The following LAPTM5 variants were observed in gnomAD, a reference collection of about 807,000 sequenced individuals.
The protein encoded by LAPTM5 is lysosomal-associated transmembrane protein 5.
Under a neutral mutation model 30.1 loss-of-function variants are expected in LAPTM5, and 11 were observed. The observed-to-expected ratio is 0.37, with a 90% CI of 0.23 to 0.60. The LOEUF (loss-of-function observed/expected upper bound fraction) is 0.60. Ranked by LOEUF, LAPTM5 falls within the 20% of genes least tolerant of loss-of-function variation. The probability of loss-of-function intolerance (pLI) is 0.71; values close to 1 mark genes in which losing one functional copy is unlikely to be tolerated. For missense variants in LAPTM5, 324 were observed against 332.5 expected (o/e 0.97, Z 0.20); for synonymous variants, 151 against 137.9 (o/e 1.10, Z -0.67).
Position 30,741,699 on chromosome 1 carries a change from A to C in LAPTM5, c.199T>G (p.Phe67Val). ...ATGAAGAGCATGGTGATGAGCAGGA[A>C]GCTGGAGATCAGGTCAGCTGAAAGG... is the stretch of plus-strand genomic sequence containing the variant. The part of the protein sequence containing the change: ...YLRIADLISS[F>V]LLITMLFIIS... Residue 67 changes from phenylalanine to valine, a missense_variant, in exon 3 of 8, where the codon TTC (phenylalanine) becomes GTC (valine). Coordinates refer to ENST00000294507, the MANE Select transcript of LAPTM5 (RefSeq NM_006762.3). The C allele has an allele frequency of 6.2e-7, 1 of 1,608,212 alleles. No homozygotes were observed. Among genetic ancestry groups the C allele is most frequent in the Non-Finnish European group, 8.5e-7 (1 of 1,177,194 alleles).
intron 3 of LAPTM5, among the ~76,000 whole-genome samples, 163 bp downstream of exon 3, chr1:30,741,477 G>A (rs1293884626): frequency 6.6e-6 from 1 of 152,182 alleles, no homozygotes; most frequent in Non-Finnish European, 1.5e-5. Flanking sequence ...GAATCTCAGG[G>A]AGAAACATGG....
At chr1:30,737,759 C>A in intron 5 of LAPTM5, 60 bp from the exon 6 acceptor site, 1 of 1,100,254 alleles carries the variant, frequency 9.1e-7, no homozygotes, top group South Asian at 1.3e-5. Flanking sequence ...CAACAGCACC[C>A]ACACATCCGG....
intron 2 of LAPTM5, 100 bp downstream of exon 2, chr1:30,742,356 G>A: frequency 1.3e-6 from 1 of 780,096 alleles, no homozygotes; most frequent in Non-Finnish European, 2.2e-6. Flanking sequence ...CATCGTCCAT[G>A]GAGAGGTGGC....
Position 30,739,662 on chromosome 1 carries a change from GAC to G in LAPTM5, c.387+145_387+146del. ...GAAGAAACTTGGGGCAATGTGGAGG[GAC>G]TCAGAGACTGGGTCAAGACACCAGC... On this transcript the variant is annotated intron_variant, in intron 4 of 7. Coordinates refer to ENST00000294507, the MANE Select transcript of LAPTM5 (RefSeq NM_006762.3). The surrounding 1 kb of genome is among the most constrained non-coding windows in gnomAD (Gnocchi z 4.2). 3 of 854,762 alleles carry G rather than the reference GAC, an allele frequency of 3.5e-6. No homozygotes were observed. Among genetic ancestry groups the G allele is most frequent in the Non-Finnish European group, 3.4e-6 (2 of 590,582 alleles). 52.9% of individuals were successfully genotyped at this position (854,762 alleles called of 1,614,324 possible). A position where few individuals can be genotyped will look rare whatever the true frequency, so the allele number is the denominator to read the frequency against.
intron 1 of LAPTM5, among the ~76,000 whole-genome samples, chr1:30,743,671 C>T (rs191458225): frequency 1.3e-5 from 2 of 152,064 alleles, no homozygotes; most frequent in African/African-American, 2.4e-5. Flanking sequence ...AGTCGGTGCC[C>T]TATCTCTATT....
At position 30,739,879 on chromosome 1, in the gene LAPTM5, C is replaced by A; in HGVS notation, c.317G>T (p.Cys106Phe). Residue 106 changes from cysteine (C) to phenylalanine (F), a missense_variant, in exon 4 of 8, where the codon TGC becomes TTC. Physicochemically the swap from Cys to Phe is radical, Grantham distance 205. Coordinates refer to ENST00000294507, the MANE Select transcript of LAPTM5 (RefSeq NM_006762.3). This position sits in a 1 kb window ranked among gnomAD's most constrained non-coding sequence, Gnocchi z 4.2. ...GTAGGAGCCCAGCAGGGTGAGCAGGCACAGGAGATAGTCCATGATTTGCAG... is the reference window on the plus strand; with the variant it reads ...GTAGGAGCCCAGCAGGGTGAGCAGGAACAGGAGATAGTCCATGATTTGCAG... ...LSLQIMDYLL[C>F]LLTLLGSYIE... The A allele has an allele frequency of 6.2e-7, 1 of 1,607,752 alleles. No homozygotes were observed. Among genetic ancestry groups the A allele is most frequent in the Non-Finnish European group, 8.5e-7 (1 of 1,176,790 alleles).
chr1:30,746,671 C>G lies in LAPTM5; in HGVS notation c.88-4122G>C, dbSNP rs537448774. ...TCTTTTCACCCACTGTCCCTTCATTCTATGCTGGTGAGATCATGAAGATAA... is the reference window on the plus strand; with the variant it reads ...TCTTTTCACCCACTGTCCCTTCATTGTATGCTGGTGAGATCATGAAGATAA... On this transcript the variant is annotated intron_variant, in intron 1 of 7. Coordinates refer to ENST00000294507, the MANE Select transcript of LAPTM5 (RefSeq NM_006762.3). This position sits in a 1 kb window ranked among gnomAD's most constrained non-coding sequence, Gnocchi z 4.0. Among the ~76,000 whole-genome samples the G allele has an allele frequency of 2.2e-3, 342 of 152,276 alleles. No homozygotes were observed. Among genetic ancestry groups the G allele is most frequent in the African/African-American group, 8.0e-3 (334 of 41,558 alleles).
Position 30,739,863 on chromosome 1 carries a change from C to T in LAPTM5, c.333G>A (p.Leu111=), listed in dbSNP as rs1639943541. The T allele has an allele frequency of 6.2e-7, 1 of 1,608,092 alleles. No individual in the cohort carries two copies. ...AGGCGGGCAGCTCAATGTAGGAGCCCAGCAGGGTGAGCAGGCACAGGAGAT... is the reference window on the plus strand; with the variant it reads ...AGGCGGGCAGCTCAATGTAGGAGCCTAGCAGGGTGAGCAGGCACAGGAGAT... ...MDYLLCLLTL[L]GSYIELPAYL... The change falls in exon 4 of 8, where the codon CTG becomes CTA. Residue 111 remains leucine, a synonymous_variant. Transcript: ENST00000294507. The surrounding 1 kb of genome is among the most constrained non-coding windows in gnomAD (Gnocchi z 4.2).
chr1:30,732,914 C>G lies in LAPTM5; in HGVS notation c.*914G>C, dbSNP rs1253924643. On this transcript the variant is annotated 3_prime_UTR_variant, in exon 8 of 8. Transcript: ENST00000294507. ...CTGGCCTGGGAATGGACTGGCAGCT[C>G]ATCACTAAAATGACTCCTTTCATGG... 4 of 152,286 alleles carry G rather than the reference C, an allele frequency of 2.6e-5. No individual in the cohort carries two copies. The highest frequency in any genetic ancestry group is 7.2e-5 in the African/African-American group (3 of 41,452). 9.4% of individuals were successfully genotyped at this position (152,286 alleles called of 1,614,324 possible). A position where few individuals can be genotyped will look rare whatever the true frequency, so the allele number is the denominator to read the frequency against.
At chr1:30,751,115 C>T (rs1199951796) in intron 1 of LAPTM5, among the ~76,000 whole-genome samples, 1 of 152,268 alleles carries the variant, frequency 6.6e-6, no homozygotes, top group African/African-American at 2.4e-5. Flanking sequence ...AGAGAAGTCT[C>T]GGCCAGGCCA....
chr1:30,749,622 C>T (rs1210454439), intron 1 of LAPTM5, among the ~76,000 whole-genome samples: 1 of 152,110 alleles, frequency 6.6e-6, no homozygotes, highest in Non-Finnish European at 1.5e-5. Context: ...TCCCAGGGAC[C>T]CAGCACACAG....
intron 1 of LAPTM5, among the ~76,000 whole-genome samples, chr1:30,751,865 G>A (rs1640143697): frequency 6.6e-6 from 1 of 152,206 alleles, no homozygotes; most frequent in South Asian, 2.1e-4. Context: ...GGGACCACTG[G>A]CCCCATTTAC....
At position 30,735,722 on chromosome 1, in the gene LAPTM5, G is replaced by A. The variant is rs553864646; in HGVS notation, c.607-457C>T. ...GGTCCATGTTTATAAAGGAGGAACA[G>A]TTAGTACATGTCCATCAGCTGATGC... On this transcript the variant is annotated intron_variant, in intron 6 of 7. Coordinates refer to ENST00000294507, the MANE Select transcript of LAPTM5 (RefSeq NM_006762.3). 3.0e-4 allele frequency among the ~76,000 whole-genome samples: 45 copies of A among 152,330 alleles called. No individual in the cohort carries two copies. In the South Asian group the frequency reaches 5.0e-3, roughly 17 times the overall value.
chr1:30,754,501 A>C (rs994913704), intron 1 of LAPTM5, among the ~76,000 whole-genome samples: 2 of 152,222 alleles, frequency 1.3e-5, no homozygotes, highest in African/African-American at 4.8e-5. Context: ...GCACCACTGC[A>C]TTCCAGCCTG....
intron 7 of LAPTM5, among the ~76,000 whole-genome samples, chr1:30,734,923 A>G (rs192193976): frequency 2.0e-5 from 3 of 152,360 alleles, no homozygotes; most frequent in Admixed American, 2.0e-4. Context: ...CAGAGGTGGC[A>G]TCTTAGTTTT....
chr1:30,757,046 C>T (rs1640221212), intron 1 of LAPTM5, among the ~76,000 whole-genome samples: 1 of 152,196 alleles, frequency 6.6e-6, no homozygotes, highest in Non-Finnish European at 1.5e-5. Flanking sequence ...ACAAGTTACC[C>T]TAATGATTAG....
At chr1:30,745,147 C>T (rs1416683593) in intron 1 of LAPTM5, among the ~76,000 whole-genome samples, 2 of 152,174 alleles carry the variant, frequency 1.3e-5, no homozygotes, top group Non-Finnish European at 2.9e-5. Context: ...GACATTTGTA[C>T]AGCCTAACTC....
In LAPTM5 at chr1:30,733,710, T is replaced by C. The variant is rs1434391393; in HGVS notation, c.*118A>G. On this transcript the variant is annotated 3_prime_UTR_variant, in exon 8 of 8. Coordinates refer to ENST00000294507, the MANE Select transcript of LAPTM5 (RefSeq NM_006762.3). ...GGCCAGCGAGGGAGACACAAGCAGA[T>C]TGTCCTGCCAGGGAGGGGCGGGAGG... 6.5e-7 allele frequency: 1 copy of C among 1,533,366 alleles called. No homozygotes were observed. Among genetic ancestry groups the C allele is most frequent in the African/African-American group, 1.4e-5 (1 of 72,990 alleles). 95.0% of individuals were successfully genotyped at this position (1,533,366 alleles called of 1,614,324 possible). A position where few individuals can be genotyped will look rare whatever the true frequency, so the allele number is the denominator to read the frequency against.
At chr1:30,740,042 T>C in intron 3 of LAPTM5, 105 bp from the exon 4 acceptor site, 1 of 1,291,290 alleles carries the variant, frequency 7.7e-7, no homozygotes, top group South Asian at 1.7e-5. Flanking sequence ...CTCCCAAACC[T>C]TCCCTGCCCT....
Sources: allele counts gnomAD v4.1 joint callset (sites outside exome capture counted in the v4.1 genomes callset), GRCh38; gene constraint gnomAD v4.1.1; non-coding constraint Gnocchi (gnomAD v3.1); transcripts MANE v1.5; gene names NCBI Gene and HGNC (gene_info 2026-07-23, HGNC 2026-07-21).